The following DLGAP2 variants were observed in gnomAD, a reference collection of about 807,000 sequenced individuals.
DLGAP2 encodes the protein DLG associated protein 2.
A neutral mutation model predicts 100.3 loss-of-function variants in DLGAP2; 26 were observed. The ratio of observed to expected loss-of-function variants is 0.26; its 90% CI spans 0.19 to 0.36. The LOEUF (loss-of-function observed/expected upper bound fraction) is 0.36. DLGAP2 is among the 10% of genes least tolerant of loss of function. DLGAP2 has a pLI of 1.00. For missense variants in DLGAP2, 1,858 were observed against 1,453.2 expected (o/e 1.28, Z -4.53); for synonymous variants, 886 against 630.1 (o/e 1.41, Z -6.08).
chr8:767,324 G>A (rs1480679444), intron 1 of DLGAP2, among the ~76,000 whole-genome samples: 1 of 148,466 alleles, frequency 6.7e-6, no homozygotes, highest in Non-Finnish European at 1.5e-5. Flanking sequence ...AGGTACAGGT[G>A]TTGCTGGCTA....
chr8:1,550,819 G>C (rs1563216188), intron 5 of DLGAP2, among the ~76,000 whole-genome samples: 1 of 152,190 alleles, frequency 6.6e-6, no homozygotes, highest in Non-Finnish European at 1.5e-5. Flanking sequence ...ATGCCACTCA[G>C]TGACTTCCAT....
At chr8:1,159,625 G>C (rs947825615) in intron 2 of DLGAP2, among the ~76,000 whole-genome samples, 1 of 152,082 alleles carries the variant, frequency 6.6e-6, no homozygotes, top group South Asian at 2.1e-4. Flanking sequence ...AAGAATACCT[G>C]CATCTATCAA....
intron 2 of DLGAP2, among the ~76,000 whole-genome samples, chr8:972,765 G>A (rs1327813059): frequency 1.3e-5 from 2 of 152,148 alleles, no homozygotes; most frequent in Non-Finnish European, 1.5e-5. Flanking sequence ...AGGACCCTGC[G>A]GCCTTCCGCG....
At chr8:1,436,685 T>C (rs1449322752) in intron 3 of DLGAP2, among the ~76,000 whole-genome samples, 1 of 152,098 alleles carries the variant, frequency 6.6e-6, no homozygotes, top group Non-Finnish European at 1.5e-5. Context: ...TACAGTAGCA[T>C]ACAGTGATGT....
intron 6 of DLGAP2, among the ~76,000 whole-genome samples, chr8:1,624,143 A>G (rs944987375): frequency 6.6e-6 from 1 of 152,222 alleles, no homozygotes; most frequent in Non-Finnish European, 1.5e-5. Flanking sequence ...TCTAGAAGGC[A>G]GCTTCAATTT....
intron 8 of DLGAP2, among the ~76,000 whole-genome samples, chr8:1,664,352 A>T (rs771328798): frequency 1.3e-5 from 2 of 151,916 alleles, no homozygotes; most frequent in Non-Finnish European, 2.9e-5. Context: ...AGCTCCATCC[A>T]TCTCAAGGCA....
intron 2 of DLGAP2, among the ~76,000 whole-genome samples, chr8:1,067,758 C>G (rs1489909799): frequency 6.6e-6 from 1 of 152,100 alleles, no homozygotes; most frequent in East Asian, 1.9e-4. Flanking sequence ...ACCCAGTCCC[C>G]TCCAGAGCTG....
intron 2 of DLGAP2, among the ~76,000 whole-genome samples, chr8:1,249,409 A>C (rs984895616): frequency 1.3e-5 from 2 of 152,124 alleles, no homozygotes; most frequent in African/African-American, 4.8e-5. Context: ...GGTGTTTCTG[A>C]ACTACTGAGG....
At chr8:1,296,871 GC>G (rs1405793745) in intron 3 of DLGAP2, among the ~76,000 whole-genome samples, 2 of 152,182 alleles carry the variant, frequency 1.3e-5, no homozygotes, top group Non-Finnish European at 1.5e-5. Context: ...TTCATGCGGG[GC>G]TCAGAAAGGC....
chr8:1,438,596 C>T (rs148981910), intron 3 of DLGAP2, among the ~76,000 whole-genome samples: 1 of 152,074 alleles, frequency 6.6e-6, no homozygotes, highest in Non-Finnish European at 1.5e-5. Flanking sequence ...GTGAAACTAG[C>T]AGTGAGGAAA....
Position 1,480,427 on chromosome 8 carries a change from G to A in DLGAP2, c.107-20939G>A, listed in dbSNP as rs182915408. 6.0e-4 allele frequency among the ~76,000 whole-genome samples: 92 copies of A among 152,244 alleles called. 2 individuals carry two copies. The highest frequency in any genetic ancestry group is 2.1e-3 in the African/African-American group (87 of 41,546). On this transcript the variant is annotated intron_variant, in intron 3 of 14. Transcript: ENST00000637795. ...GCTCTCTGCACCCATGGCAGGGCAC[G>A]TTCCCACACACATATTTTGCTTAAA...
intron 2 of DLGAP2, among the ~76,000 whole-genome samples, chr8:1,213,119 A>G (rs1322381908): frequency 6.6e-6 from 1 of 152,152 alleles, no homozygotes; most frequent in Non-Finnish European, 1.5e-5. Context: ...AGGTTTTCCT[A>G]GAAAGAGAAT....
intron 2 of DLGAP2, among the ~76,000 whole-genome samples, chr8:1,087,554 T>TC (rs575060799): frequency 1.3e-3 from 44 of 33,214 alleles, no homozygotes; most frequent in Admixed American, 4.2e-3. Context: ...TCTCTCTCTC[T>TC]TTTTTTTTTT....
chr8:951,810 G>T (rs1799486917), intron 2 of DLGAP2, among the ~76,000 whole-genome samples: 1 of 152,176 alleles, frequency 6.6e-6, no homozygotes, highest in Non-Finnish European at 1.5e-5. Flanking sequence ...GACCTTAGTG[G>T]CTAAAGGCGG....
At chr8:1,259,972 C>G (rs1480650901) in intron 3 of DLGAP2, among the ~76,000 whole-genome samples, 2 of 152,176 alleles carry the variant, frequency 1.3e-5, no homozygotes, top group African/African-American at 4.8e-5. Context: ...ATTTTTAAAT[C>G]ATAAGCTTCA....
intron 1 of DLGAP2, among the ~76,000 whole-genome samples, chr8:813,021 T>C (rs1796399384): frequency 1.3e-5 from 2 of 152,180 alleles, no homozygotes; most frequent in African/African-American, 4.8e-5. Flanking sequence ...AACGTGATAA[T>C]AGAACACATG....
intron 3 of DLGAP2, among the ~76,000 whole-genome samples, chr8:1,392,867 C>T (rs1585330359): frequency 7.0e-6 from 1 of 143,630 alleles, no homozygotes; most frequent in Non-Finnish European, 1.5e-5. Context: ...GGGCGTGTGT[C>T]TTTGTTAAAT....
rs111990598 is a variant in DLGAP2 at position 976,382 on chromosome 8, C to T, written c.73+68416C>T. On this transcript the variant is annotated intron_variant, in intron 2 of 14. Transcript: ENST00000637795. Reference sequence around the variant, plus strand: ...ATCCTAGCACTTTGGGAGATCGAGGCGGGCGGATCACAAGGTCAGGAGATC... The same window carrying T: ...ATCCTAGCACTTTGGGAGATCGAGGTGGGCGGATCACAAGGTCAGGAGATC... Among the ~76,000 whole-genome samples the T allele has an allele frequency of 9.4e-3, 1,434 of 152,124 alleles. 25 individuals are homozygous for T. The highest frequency in any genetic ancestry group is 0.033 in the African/African-American group (1,349 of 41,506).
chr8:921,643 C>T (rs373640570), intron 2 of DLGAP2, among the ~76,000 whole-genome samples: 10 of 152,228 alleles, frequency 6.6e-5, no homozygotes, highest in African/African-American at 2.2e-4. Context: ...CCGCTGGCAG[C>T]GCAGCTGTTA....
Sources: gnomAD v4.1 joint callset for allele counts (sites outside exome capture counted in the v4.1 genomes callset) on GRCh38, gnomAD v4.1.1 for gene constraint, MANE v1.5 for transcripts, NCBI Gene and HGNC (gene_info 2026-07-23, HGNC 2026-07-21) for gene names.